The following CHD6 variants were observed in gnomAD, a reference collection of about 807,000 sequenced individuals.
CHD6 encodes ATP-dependent chromatin remodeler CHD6.
A neutral mutation model predicts 276.9 loss-of-function variants in CHD6; 50 were observed. The ratio of observed to expected loss-of-function variants is 0.18; its 90% confidence interval spans 0.14 to 0.23. The LOEUF (loss-of-function observed/expected upper bound fraction) is 0.23. CHD6 is among the 10% of genes least tolerant of loss of function. CHD6 has a pLI of 1.00. For missense variants in CHD6, 2,564 were observed against 3,365.8 expected (o/e 0.76, Z 5.89); for synonymous variants, 1,173 against 1,229.3 (o/e 0.95, Z 0.96).
At chr20:41,487,835 A>T (rs1415372930) in intron 13 of CHD6, 27 bp from the exon 14 acceptor site, 1 of 1,603,274 alleles carries the variant, frequency 6.2e-7, no homozygotes, top group Admixed American at 1.8e-5. Context: ...TACATGATGG[A>T]CAGTGCTTGA....
intron 3 of CHD6, among the ~76,000 whole-genome samples, chr20:41,522,646 G>A (rs62208537): frequency 0.03 from 4,528 of 151,800 alleles, 100 homozygotes; most frequent in Middle Eastern, 0.052. Flanking sequence ...AAACATGCGC[G>A]CACGCGTGCG....
At chr20:41,433,816 A>G (rs2145557744) in intron 27 of CHD6, among the ~76,000 whole-genome samples, 1 of 152,346 alleles carries the variant, frequency 6.6e-6, no homozygotes, top group Admixed American at 6.5e-5. Context: ...TAAATGGAAG[A>G]GGGTAAAGGA....
At chr20:41,486,450 T>C (rs2043416365) in intron 14 of CHD6, among the ~76,000 whole-genome samples, 1 of 152,148 alleles carries the variant, frequency 6.6e-6, no homozygotes, top group Non-Finnish European at 1.5e-5. Flanking sequence ...TGAAAATCAA[T>C]AGATAGGGCA....
intron 17 of CHD6, among the ~76,000 whole-genome samples, chr20:41,469,923 C>T (rs1242930895): frequency 3.9e-5 from 6 of 152,210 alleles, no homozygotes; most frequent in African/African-American, 1.2e-4. Flanking sequence ...CCTAATGAAC[C>T]TGTGCCTTCA....
chr20:41,511,023 C>A (rs1356987592), intron 5 of CHD6, among the ~76,000 whole-genome samples: 7 of 152,180 alleles, frequency 4.6e-5, no homozygotes, highest in Non-Finnish European at 8.8e-5. Context: ...TTAACTGCTG[C>A]TATGTAACTC....
intron 16 of CHD6, among the ~76,000 whole-genome samples, chr20:41,478,720 C>T (rs539365537): frequency 1.3e-5 from 2 of 152,326 alleles, no homozygotes; most frequent in Admixed American, 1.3e-4. Context: ...GTCTACCAGA[C>T]ACATTGACAG....
intron 10 of CHD6, among the ~76,000 whole-genome samples, chr20:41,492,912 C>G (rs1027589365): frequency 6.6e-6 from 1 of 152,182 alleles, no homozygotes; most frequent in Non-Finnish European, 1.5e-5. Context: ...AAGACTCCAT[C>G]TCAAAATAAA....
intron 1 of CHD6, among the ~76,000 whole-genome samples, chr20:41,583,566 T>C (rs990804810): frequency 6.6e-6 from 1 of 152,120 alleles, no homozygotes; most frequent in Admixed American, 6.6e-5. Flanking sequence ...TGAACAAAAA[T>C]GAGGACCTAC....
At chr20:41,410,607 C>G (rs2046813891) in intron 36 of CHD6, among the ~76,000 whole-genome samples, 1 of 152,152 alleles carries the variant, frequency 6.6e-6, no homozygotes, top group Non-Finnish European at 1.5e-5. Context: ...TGCCTTACTG[C>G]AGGAAAAGGG....
Position 41,420,879 on chromosome 20 carries a change from A to C in CHD6, c.5756T>G (p.Val1919Gly). Reference sequence around the variant, plus strand: ...CTGTAGCCCAGGAGTCTGGTTTGCCACCTCTAAGCTTCCTTTCTTGGTTTC... The same window carrying C: ...CTGTAGCCCAGGAGTCTGGTTTGCCCCCTCTAAGCTTCCTTTCTTGGTTTC... ...QDETKKGSLEVANQTPGLQRA... is the reference protein window; with the variant it reads ...QDETKKGSLEGANQTPGLQRA... Residue 1919 changes from valine (V) to glycine (G), a missense_variant, in exon 31 of 37, where the codon GTG (valine) becomes GGG (glycine). This residue lies in a region of CHD6 where 1,024 missense variants were observed against 1,047.9 expected (regional missense o/e 0.98). Transcript: ENST00000373233. 6.2e-7 allele frequency: 1 copy of C among 1,614,006 alleles called. No homozygotes were observed. Among genetic ancestry groups the C allele is most frequent in the Non-Finnish European group, 8.5e-7 (1 of 1,180,006 alleles).
chr20:41,516,627 T>A (rs1328175176), intron 3 of CHD6, among the ~76,000 whole-genome samples: 1 of 152,150 alleles, frequency 6.6e-6, no homozygotes, highest in Admixed American at 6.6e-5. Flanking sequence ...TCTTGGGGAA[T>A]AGAACAGTGT....
intron 27 of CHD6, 102 bp downstream of exon 27, chr20:41,437,172 T>C (rs2047736322): frequency 4.9e-6 from 4 of 821,520 alleles, no homozygotes; most frequent in South Asian, 4.7e-5. Context: ...GCAATGTAAC[T>C]GTAGTAATGC....
chr20:41,533,231 T>C lies in CHD6; in HGVS notation c.373A>G (p.Lys125Glu), dbSNP rs41283260. The change falls in exon 3 of 37, where the codon AAA becomes GAA. Residue 125 changes from lysine (K) to glutamate (E), a missense_variant. By Grantham distance (56) the Lys-to-Glu change is moderately conservative (BLOSUM62 1). Transcript: ENST00000373233. Reference protein sequence around the residue: ...EPKPKRKREPKEPKEPRKAKE... With the variant: ...EPKPKRKREPEEPKEPRKAKE... ...GCCTTTCTGGGTTCCTTTGGCTCTT[T>C]CGGTTCTCGTTTCCTCTTTGGCTTG... The C allele has an allele frequency of 6.2e-7, 1 of 1,613,538 alleles. No homozygotes were observed. The highest frequency in any genetic ancestry group is 8.5e-7 in the Non-Finnish European group (1 of 1,179,988).
chr20:41,480,567 G>A (rs2043271342), intron 16 of CHD6, among the ~76,000 whole-genome samples: 1 of 152,124 alleles, frequency 6.6e-6, no homozygotes, highest in South Asian at 2.1e-4. Context: ...GAAGATGAGA[G>A]GACAGGAAGT....
intron 17 of CHD6, chr20:41,459,560 G>C (rs1195172836): frequency 6.6e-6 from 1 of 152,422 alleles, no homozygotes; most frequent in East Asian, 1.9e-4. Context: ...TGAATCACGG[G>C]GGCCAGTCTT....
intron 1 of CHD6, among the ~76,000 whole-genome samples, chr20:41,583,726 G>A (rs1374779942): frequency 6.6e-6 from 1 of 152,084 alleles, no homozygotes; most frequent in African/African-American, 2.4e-5. Flanking sequence ...AAAGTAAGAT[G>A]TATGACAATA....
At chr20:41,596,614 A>C (rs974558364) in intron 1 of CHD6, among the ~76,000 whole-genome samples, 2 of 152,098 alleles carry the variant, frequency 1.3e-5, no homozygotes, top group African/African-American at 4.8e-5. Flanking sequence ...GAAAGACCTT[A>C]GGGAAATGAT....
At chr20:41,443,285 C>A (rs947049182) in intron 25 of CHD6, among the ~76,000 whole-genome samples, 1 of 152,210 alleles carries the variant, frequency 6.6e-6, no homozygotes, top group African/African-American at 2.4e-5. Context: ...CAATATGAGA[C>A]TAAGAGATCA....
chr20:41,560,768 T>C (rs1298858241), intron 1 of CHD6, among the ~76,000 whole-genome samples: 5 of 152,008 alleles, frequency 3.3e-5, no homozygotes, highest in Non-Finnish European at 7.4e-5. Context: ...CTCAGTATTC[T>C]TCCTTCACAC....
Sources: allele counts gnomAD v4.1 joint callset (sites outside exome capture counted in the v4.1 genomes callset), GRCh38; gene constraint gnomAD v4.1.1; regional missense constraint gnomAD v4.1.1; transcripts MANE v1.5; gene names NCBI Gene and HGNC (gene_info 2026-07-23, HGNC 2026-07-21).